The following SATL1 variants were observed in gnomAD, a reference collection of about 807,000 sequenced individuals.
SATL1 encodes spermidine/spermine N(1)-acetyltransferase-like protein 1.
SATL1 carries 47 observed loss-of-function variants against 51.8 expected under a neutral mutation model. That is an observed-to-expected ratio of 0.91 (90% CI 0.72 to 1.16). SATL1 has a LOEUF of 1.16. SATL1 is among the 50% of genes most tolerant of loss of function. SATL1 has a pLI of 0.00. For missense variants in SATL1, 520 were observed against 526.4 expected, an observed-to-expected ratio of 0.99 and a Z score of 0.12; for synonymous variants, 176 against 182.4, an observed-to-expected ratio of 0.97 and a Z score of 0.28.
chrX:85,129,305 T>C (rs1341797765), intron 2 of SATL1, among the ~76,000 whole-genome samples: 1 of 112,098 alleles, frequency 8.9e-6, no homozygotes, highest in African/African-American at 3.2e-5. Context: ...CATTTGTTTG[T>C]GTCCTCTTTT....
At chrX:85,149,384 CTGTCAACATTAGACAGA>C (rs1926354315) in intron 2 of SATL1, among the ~76,000 whole-genome samples, 1 of 111,497 alleles carries the variant, frequency 9.0e-6, no homozygotes. Context: ...TAACACCCCA[CTGTCAACATTAGACAGA>C]TCAATGAGAC....
intron 1 of SATL1, among the ~76,000 whole-genome samples, chrX:85,239,535 C>T (rs1232220539): frequency 3.6e-5 from 4 of 111,580 alleles, no homozygotes; most frequent in African/African-American, 9.8e-5. Context: ...CATGTAAAGA[C>T]ACAAGAACTA....
chrX:85,189,640 T>C (rs983048246), intron 2 of SATL1, among the ~76,000 whole-genome samples: 1 of 112,080 alleles, frequency 8.9e-6, no homozygotes, highest in African/African-American at 3.2e-5. Flanking sequence ...TTGAATAATA[T>C]ATGGAGTTTT....
At chrX:85,219,008 A>G (rs1191675852) in intron 2 of SATL1, 1 of 112,230 alleles carries the variant, frequency 8.9e-6, no homozygotes, top group Non-Finnish European at 1.9e-5. Flanking sequence ...AATTGTATTA[A>G]ATGCCATTTA....
At chrX:85,150,026 T>G (rs1214995522) in intron 2 of SATL1, among the ~76,000 whole-genome samples, 9 of 110,904 alleles carry the variant, frequency 8.1e-5, no homozygotes, top group African/African-American at 1.3e-4. Context: ...GAATCCAGGA[T>G]CTGGTTTTTT....
chrX:85,150,000 C>G (rs905947696), intron 2 of SATL1, among the ~76,000 whole-genome samples: 1 of 111,169 alleles, frequency 9.0e-6, no homozygotes, highest in Admixed American at 9.6e-5. Flanking sequence ...TACAAAAAAC[C>G]CTTCAAAAAA....
At chrX:85,140,069 G>A (rs1926072008) in intron 2 of SATL1, among the ~76,000 whole-genome samples, 2 of 111,095 alleles carry the variant, frequency 1.8e-5, no homozygotes, top group South Asian at 7.5e-4. Context: ...CTATTAGATT[G>A]GTATATTAAT....
chrX:85,103,998 A>G, intron 3 of SATL1, 83 bp from the exon 4 acceptor site: 1 of 711,674 alleles, frequency 1.4e-6, no homozygotes, highest in Non-Finnish European at 2.2e-6. Flanking sequence ...TGTATTAAAC[A>G]TTTATTGACA....
In SATL1 at chrX:85,094,189, G is replaced by A. The variant is rs976389081; in HGVS notation, c.1815C>T (p.Tyr605=). ...AAAGTACCTTGCCAGTCCATGAGTC[G>A]TATGTAAAGTAGTACATGGCAAATC... ...TVGFAMYYFT[Y]DSWTGKVLYL... The change falls in exon 6 of 8, where the codon TAC becomes TAT. Residue 605 remains tyrosine, a synonymous_variant. Transcript: ENST00000644105. The A allele has an allele frequency of 5.9e-6, 7 of 1,188,105 alleles. No homozygotes were observed. Among genetic ancestry groups the A allele is most frequent in the East Asian group, 3.0e-5 (1 of 33,639 alleles).
chrX:85,108,026 C>G lies in SATL1; in HGVS notation c.943G>C (p.Gly315Arg). The stretch of plus-strand genomic sequence containing the variant: ...TGCCATGTGCCTGGTTGTTTCATGC[C>G]AGGTTGGTTTATGTCTGGTAGGTTT... The part of the protein sequence containing the change: ...GTNLPDINQP[G>R]MKQPGTWQLG... The change falls in exon 3 of 8, where the codon GGC becomes CGC. Residue 315 changes from glycine (G) to arginine (R), a missense_variant. Transcript: ENST00000644105. 1 of 1,211,262 alleles carries G rather than the reference C, an allele frequency of 8.3e-7. No homozygotes were observed. Among genetic ancestry groups the G allele is most frequent in the Non-Finnish European group, 1.1e-6 (1 of 895,463 alleles).
At chrX:85,136,393 A>G (rs1203707382) in intron 2 of SATL1, among the ~76,000 whole-genome samples, 1 of 112,005 alleles carries the variant, frequency 8.9e-6, no homozygotes, top group Admixed American at 9.5e-5. Flanking sequence ...CAATGATATA[A>G]TCCTAAGAAG....
At chrX:85,183,117 T>C (rs1389695987) in intron 2 of SATL1, among the ~76,000 whole-genome samples, 1 of 111,807 alleles carries the variant, frequency 8.9e-6, no homozygotes, top group Admixed American at 9.5e-5. Flanking sequence ...TTGTTGCATA[T>C]GCTTTTGAGG....
chrX:85,153,366 G>A lies in SATL1; in HGVS notation c.-312-44086C>T, dbSNP rs757945240. Among the ~76,000 whole-genome samples the A allele has an allele frequency of 7.1e-5, 8 of 111,903 alleles. No individual in the cohort carries two copies. In the South Asian group the frequency reaches 1.9e-3, roughly 26 times the overall value. ...GCCTCTTCAACCTCTTCAGAGCAGTGATAGAACTAGTGTAGCCAAAGTGAA... is the reference window on the plus strand; with the variant it reads ...GCCTCTTCAACCTCTTCAGAGCAGTAATAGAACTAGTGTAGCCAAAGTGAA... On this transcript the variant is annotated intron_variant, in intron 2 of 7. Transcript: ENST00000644105.
intron 2 of SATL1, among the ~76,000 whole-genome samples, chrX:85,178,066 GCTTC>G (rs1927118580): frequency 9.0e-6 from 1 of 111,489 alleles, no homozygotes; most frequent in African/African-American, 3.3e-5. Flanking sequence ...ATTTCCTTAA[GCTTC>G]CTTCATATTT....
intron 2 of SATL1, among the ~76,000 whole-genome samples, chrX:85,111,547 C>T (rs1379902100): frequency 8.9e-6 from 1 of 111,893 alleles, no homozygotes; most frequent in Non-Finnish European, 1.9e-5. Flanking sequence ...TGCCACAAGG[C>T]GGCAGTGTTA....
Position 85,092,892 on chromosome X carries a change from CTG to C in SATL1, c.1917+291_1917+292del, listed in dbSNP as rs773456474. 1.1e-3 allele frequency: 362 copies of C among 321,873 alleles called. 1 individual carries two copies. The highest frequency in any genetic ancestry group is 8.5e-3 in the African/African-American group (323 of 37,908). The allele number at this position is 321,873 out of a possible 1,213,427, so 26.5% of individuals were successfully genotyped here. ...GTCTTGTAATATTCATACTGTGAGC[CTG>C]TGTTTTTGAATAAAAATGCTTTCTA... On this transcript the variant is annotated intron_variant, in intron 7 of 7. Transcript: ENST00000644105.
At chrX:85,166,933 ATATG>A (rs1555959510) in intron 2 of SATL1, among the ~76,000 whole-genome samples, 4 of 87,895 alleles carry the variant, frequency 4.6e-5, no homozygotes, top group African/African-American at 1.7e-4. Flanking sequence ...ATATATATAT[ATATG>A]TGTATGTGTG....
At chrX:85,105,981 C>T (rs1329505525) in intron 3 of SATL1, among the ~76,000 whole-genome samples, 1 of 111,754 alleles carries the variant, frequency 8.9e-6, no homozygotes, top group Non-Finnish European at 1.9e-5. Flanking sequence ...CAGATAGTTT[C>T]ATTGAAATGG....
chrX:85,180,575 A>G (rs1371444594), intron 2 of SATL1, among the ~76,000 whole-genome samples: 1 of 111,937 alleles, frequency 8.9e-6, no homozygotes, highest in African/African-American at 3.2e-5. Context: ...CATTGACAGA[A>G]ATGTCCTTAT....
Sources: allele counts gnomAD v4.1 joint callset (sites outside exome capture counted in the v4.1 genomes callset), GRCh38; gene constraint gnomAD v4.1.1; transcripts MANE v1.5; gene names NCBI Gene and HGNC (gene_info 2026-07-23, HGNC 2026-07-21).